PDE1C: variants seen among roughly 807,000 people sequenced by gnomAD.
The protein encoded by PDE1C is dual specificity calcium/calmodulin-dependent 3',5'-cyclic nucleotide phosphodiesterase 1C.
In PDE1C, 62 loss-of-function variants were observed where a neutral mutation model predicts 93.1. The ratio of observed to expected loss-of-function variants is 0.67; its 90% CI spans 0.54 to 0.82. The LOEUF (loss-of-function observed/expected upper bound fraction) is 0.82, where lower values mean the gene tolerates loss of function less well. Ranked by LOEUF, PDE1C falls within the 40% of genes least tolerant of loss-of-function variation. The pLI, the probability that PDE1C is intolerant of heterozygous loss-of-function variation, is 0.00. For missense variants in PDE1C, 742 were observed against 884.6 expected (o/e 0.84, Z 2.04); for synonymous variants, 325 against 310.1 (o/e 1.05, Z -0.50).
chr7:31,760,518 C>T (rs528047780), intron 17 of PDE1C, among the ~76,000 whole-genome samples: 2 of 152,214 alleles, frequency 1.3e-5, no homozygotes, highest in East Asian at 3.9e-4. Context: ...CTTTGGAACC[C>T]CACACTGCAG....
chr7:32,013,974 GCT>G (rs1419118604), intron 2 of PDE1C, among the ~76,000 whole-genome samples: 2 of 152,272 alleles, frequency 1.3e-5, no homozygotes, highest in East Asian at 3.9e-4. Context: ...TCAACTTAAA[GCT>G]CTTTTACATA....
intron 7 of PDE1C, among the ~76,000 whole-genome samples, chr7:31,855,867 A>T (rs1311925479): frequency 6.6e-6 from 1 of 150,964 alleles, no homozygotes; most frequent in East Asian, 1.9e-4. Context: ...TGGCCAAGGG[A>T]TAGCTTTGGA....
chr7:32,231,124 C>T (rs1807661477), intron 1 of PDE1C, among the ~76,000 whole-genome samples: 1 of 152,206 alleles, frequency 6.6e-6, no homozygotes, highest in Admixed American at 6.5e-5. Flanking sequence ...GAATGTGCAA[C>T]ATTTGGTCAT....
At chr7:31,885,817 C>T (rs1797794832) in intron 2 of PDE1C, among the ~76,000 whole-genome samples, 1 of 152,180 alleles carries the variant, frequency 6.6e-6, no homozygotes, top group Admixed American at 6.5e-5. Context: ...AGGCATTATT[C>T]CCCACCCCAG....
the PDE1C span, among the ~76,000 whole-genome samples, chr7:31,617,453 A>G: frequency 6.6e-6 from 1 of 151,844 alleles, no homozygotes; most frequent in Admixed American, 6.6e-5. Context: ...GTTTAATTAA[A>G]AGAAAATGTG....
chr7:32,086,548 T>G (rs113895920), intron 3 of PDE1C, among the ~76,000 whole-genome samples: 93,146 of 150,036 alleles, frequency 0.62, 29,173 homozygotes, highest in African/African-American at 0.71. Flanking sequence ...CATCGCCAAG[T>G]CAATCCTAAG....
At chr7:31,857,401 T>C (rs1193143345) in intron 7 of PDE1C, among the ~76,000 whole-genome samples, 1 of 152,114 alleles carries the variant, frequency 6.6e-6, no homozygotes, top group Non-Finnish European at 1.5e-5. Context: ...AAAACAGAAG[T>C]GAAAGTTGCT....
chr7:32,140,918 AC>A (rs1440729378), intron 3 of PDE1C, among the ~76,000 whole-genome samples: 6 of 152,210 alleles, frequency 3.9e-5, no homozygotes, highest in Non-Finnish European at 8.8e-5. Flanking sequence ...TGGTTCATTC[AC>A]TTGCTTTGTT....
chr7:32,090,352 T>C (rs1463506818), intron 3 of PDE1C, among the ~76,000 whole-genome samples: 1 of 152,224 alleles, frequency 6.6e-6, no homozygotes, highest in Admixed American at 6.5e-5. Flanking sequence ...ACATTTCTTA[T>C]GCTGCCTTCC....
intron 2 of PDE1C, among the ~76,000 whole-genome samples, chr7:32,181,407 T>G (rs1803412284): frequency 6.6e-6 from 1 of 152,168 alleles, no homozygotes; most frequent in Non-Finnish European, 1.5e-5. Context: ...AGTAAAGCAC[T>G]CCTCAGCAAA....
chr7:32,258,338 T>G (rs1227707622), intron 1 of PDE1C, among the ~76,000 whole-genome samples: 1 of 152,238 alleles, frequency 6.6e-6, no homozygotes, highest in East Asian at 1.9e-4. Context: ...CATTCAAAGC[T>G]GTGAGATGAA....
intron 2 of PDE1C, among the ~76,000 whole-genome samples, chr7:31,927,224 C>T (rs1803512678): frequency 2.0e-5 from 3 of 152,186 alleles, no homozygotes; most frequent in Non-Finnish European, 2.9e-5. Context: ...GGCAAAGGTC[C>T]TGGGGCTGGA....
chr7:31,762,182 T>C (rs772235058), intron 17 of PDE1C, among the ~76,000 whole-genome samples: 6 of 152,204 alleles, frequency 3.9e-5, no homozygotes, highest in Non-Finnish European at 5.9e-5. Context: ...AATAAGAGCC[T>C]TTCCTTTTGT....
At chr7:31,786,960 CT>C (rs1220795761) in intron 16 of PDE1C, 5 of 134,470 alleles carry the variant, frequency 3.7e-5, no homozygotes, top group African/African-American at 1.3e-4. Context: ...TATCTATCAT[CT>C]ATCTATCTAT....
At chr7:31,687,516 C>T in the PDE1C span, among the ~76,000 whole-genome samples, 1 of 152,184 alleles carries the variant, frequency 6.6e-6, no homozygotes, top group South Asian at 2.1e-4. Context: ...AAAGACTGAA[C>T]CCTCACAAAC....
At chr7:32,275,957 C>A (rs921192847) in intron 1 of PDE1C, among the ~76,000 whole-genome samples, 4 of 152,160 alleles carry the variant, frequency 2.6e-5, no homozygotes, top group Admixed American at 1.3e-4. Flanking sequence ...CTGTAGATAC[C>A]AGCTTATCGA....
At position 31,790,310 on chromosome 7, in the gene PDE1C, G is replaced by A. The variant is rs566089209; in HGVS notation, c.1892-14578C>T. 154 of 1,511,406 alleles carry A rather than the reference G, an allele frequency of 1.0e-4. 2 individuals carry two copies. Among genetic ancestry groups the A allele is most frequent in the South Asian group, 7.3e-4 (65 of 88,476 alleles). The allele number at this position is 1,511,406 out of a possible 1,614,324, so 93.6% of individuals were successfully genotyped here. ...AAGTGTCAATGCTGCCTTTCCCCCC[G>A]CCCACCTCCACCCTCCAAGTCTGAG... is the stretch of plus-strand genomic sequence containing the variant. On this transcript the variant is annotated intron_variant, in intron 16 of 17. Transcript: ENST00000396191.
chr7:31,895,268 A>G (rs934235847), intron 2 of PDE1C, among the ~76,000 whole-genome samples: 2 of 152,218 alleles, frequency 1.3e-5, no homozygotes, highest in African/African-American at 2.4e-5. Context: ...CTACAGCCAG[A>G]CCTCAGCTGG....
chr7:32,098,005 C>A (rs1366450942), intron 3 of PDE1C, among the ~76,000 whole-genome samples: 1 of 148,778 alleles, frequency 6.7e-6, no homozygotes, highest in Non-Finnish European at 1.5e-5. Flanking sequence ...CCGAGGCGGG[C>A]GGATCACGAG....
Sources: allele counts gnomAD v4.1 joint callset (sites outside exome capture counted in the v4.1 genomes callset), GRCh38; gene constraint gnomAD v4.1.1; transcripts MANE v1.5; gene names NCBI Gene and HGNC (gene_info 2026-07-23, HGNC 2026-07-21).